Variants in SHISAL1 observed in about 807,000 individuals in gnomAD.
The protein encoded by SHISAL1 is shisa like 1.
Under a neutral mutation model 22.6 loss-of-function variants are expected in SHISAL1, and 9 were observed. The observed-to-expected ratio is 0.40, with a 90% CI of 0.24 to 0.70. SHISAL1 has a LOEUF of 0.70. Among genes scored for constraint, SHISAL1 ranks in the 30% least tolerant of loss-of-function variants. The pLI, the probability that SHISAL1 is intolerant of heterozygous loss-of-function variation, is 0.39. For synonymous variants in SHISAL1, 119 were observed against 115.4 expected, an observed-to-expected ratio of 1.03 and a Z score of -0.20; for missense variants, 246 against 270.6, an observed-to-expected ratio of 0.91 and a Z score of 0.64.
At chr22:44,312,019 G>T (rs560055301) in intron 1 of SHISAL1, among the ~76,000 whole-genome samples, 2 of 152,212 alleles carry the variant, frequency 1.3e-5, no homozygotes, top group African/African-American at 4.8e-5. Context: ...CATGGCGCTC[G>T]CCTCGGGGTG....
chr22:44,315,997 G>A (rs2055556165), upstream of SHISAL1, among the ~76,000 whole-genome samples: 1 of 152,190 alleles, frequency 6.6e-6, no homozygotes, highest in Non-Finnish European at 1.5e-5. Context: ...TCGATGTGGA[G>A]CAGGGCAATG....
intron 4 of SHISAL1, among the ~76,000 whole-genome samples, chr22:44,284,965 A>G (rs1464820309): frequency 7.5e-6 from 1 of 132,848 alleles, no homozygotes; most frequent in Non-Finnish European, 1.6e-5. Flanking sequence ...AGTCAGAACT[A>G]GTACCCCTCA....
chr22:44,303,095 G>A (rs779595158), intron 1 of SHISAL1, among the ~76,000 whole-genome samples: 21 of 152,186 alleles, frequency 1.4e-4, no homozygotes, highest in East Asian at 5.8e-4. Context: ...GTGTAACAGC[G>A]TCGTCCTCCC....
chr22:44,306,649 G>C (rs1469586761), intron 1 of SHISAL1, among the ~76,000 whole-genome samples: 1 of 130,536 alleles, frequency 7.7e-6, no homozygotes, highest in Non-Finnish European at 1.7e-5. Context: ...GTGTGGAGGG[G>C]ACCTGGGCTC....
At chr22:44,326,240 G>A in the SHISAL1 span, among the ~76,000 whole-genome samples, 1 of 152,166 alleles carries the variant, frequency 6.6e-6, no homozygotes, top group African/African-American at 2.4e-5. Flanking sequence ...GATTATGGAA[G>A]GAATTTGCCT....
At chr22:44,261,969 G>A (rs1343175805) in intron 4 of SHISAL1, among the ~76,000 whole-genome samples, 4 of 147,002 alleles carry the variant, frequency 2.7e-5, no homozygotes, top group Non-Finnish European at 6.0e-5. Context: ...TGGAACTATA[G>A]CACCTTCGGC....
the SHISAL1 span, among the ~76,000 whole-genome samples, chr22:44,331,650 A>T: frequency 6.9e-6 from 1 of 145,344 alleles, no homozygotes; most frequent in African/African-American, 2.5e-5. This position sits in a 1 kb window ranked among gnomAD's most constrained non-coding sequence, Gnocchi z 5.2. Flanking sequence ...GGACGCGGGG[A>T]CTCCGGGCTC....
intron 4 of SHISAL1, among the ~76,000 whole-genome samples, chr22:44,251,117 C>T (rs565876596): frequency 1.3e-5 from 2 of 152,318 alleles, no homozygotes; most frequent in Admixed American, 6.5e-5. Flanking sequence ...ACCTATTGTA[C>T]TTACTTGAAT....
chr22:44,285,491 A>G lies in SHISAL1; in HGVS notation c.536T>C (p.Val179Ala), dbSNP rs752033245. The G allele has an allele frequency of 3.7e-6, 6 of 1,613,912 alleles. No individual in the cohort carries two copies. The South Asian group carries it at 4.4e-5, about 12-fold the overall frequency. The change falls in exon 4 of 5, where the codon GTG (valine) becomes GCG (alanine). Residue 179 changes from valine (V) to alanine (A), a missense_variant. This residue lies in a region of SHISAL1 where 136 missense variants were observed against 117.5 expected (regional missense o/e 1.16). Coordinates refer to ENST00000381176, the MANE Select transcript of SHISAL1 (RefSeq NM_001099294.2). Reference protein sequence around the residue: ...PGPLPQAPQAVHTLRGDAHSP... With the variant: ...PGPLPQAPQAAHTLRGDAHSP... Reference sequence around the variant, plus strand: ...GTGAGCATCTCCCCGCAATGTGTGCACGGCCTGTGGGGCTTGTGGCAGCGG... The same window carrying G: ...GTGAGCATCTCCCCGCAATGTGTGCGCGGCCTGTGGGGCTTGTGGCAGCGG...
At chr22:44,292,832 C>G (rs2055361795) in intron 3 of SHISAL1, among the ~76,000 whole-genome samples, 1 of 152,196 alleles carries the variant, frequency 6.6e-6, no homozygotes, top group South Asian at 2.1e-4. Context: ...GGCCCCTGAC[C>G]CGAATTCTTG....
chr22:44,271,147 C>T (rs2055203270), intron 4 of SHISAL1, among the ~76,000 whole-genome samples: 1 of 152,176 alleles, frequency 6.6e-6, no homozygotes, highest in African/African-American at 2.4e-5. Flanking sequence ...AGCTCATTTA[C>T]TCCCTGTGCC....
At chr22:44,301,032 C>T (rs2055425167) in intron 1 of SHISAL1, 55 bp from the exon 2 acceptor site, 2 of 1,266,638 alleles carry the variant, frequency 1.6e-6, no homozygotes, top group East Asian at 4.9e-5. Context: ...CTGACACTGG[C>T]TTTCCTGCCC....
intron 1 of SHISAL1, among the ~76,000 whole-genome samples, chr22:44,311,919 A>G (rs1210396075): frequency 1.3e-5 from 2 of 152,240 alleles, no homozygotes; most frequent in Non-Finnish European, 2.9e-5. Context: ...TGGAAATCCC[A>G]GAGGCATTTT....
Position 44,296,808 on chromosome 22 carries a change from G to A in SHISAL1, c.145C>T (p.Arg49Trp), listed in dbSNP as rs1393628407. Residue 49 changes from arginine (R) to tryptophan (W), a missense_variant, in exon 3 of 5, where the codon CGG becomes TGG. By Grantham distance (101) the Arg-to-Trp change is moderately radical (BLOSUM62 -3). Around this residue, in one of 2 missense-constraint regions of SHISAL1, gnomAD observed 110 missense variants for 153.1 expected, o/e 0.72. Transcript: ENST00000381176. ...GRYHFGFHCPRLSDNKTFILC... is the reference protein window; with the variant it reads ...GRYHFGFHCPWLSDNKTFILC... ...ATGAAGGTCTTGTTGTCCGAGAGCC[G>A]GGGGCAGTGGAAGCCAAAGTGGTAG... The A allele has an allele frequency of 5.6e-6, 9 of 1,613,574 alleles. No homozygotes were observed. Among genetic ancestry groups the A allele is most frequent in the Non-Finnish European group, 7.6e-6 (9 of 1,179,848 alleles).
intron 4 of SHISAL1, among the ~76,000 whole-genome samples, chr22:44,252,887 CAA>C (rs560050650): frequency 2.6e-5 from 4 of 151,850 alleles, no homozygotes; most frequent in African/African-American, 9.7e-5. Context: ...CCCAGCTACT[CAA>C]GAGGCTGAGG....
At chr22:44,299,304 T>C (rs142247435) in intron 2 of SHISAL1, among the ~76,000 whole-genome samples, 27 of 152,344 alleles carry the variant, frequency 1.8e-4, no homozygotes, top group Middle Eastern at 3.4e-3. Context: ...CGCACCCCTG[T>C]GTGCACAGCT....
rs755890524 is a variant in SHISAL1, at chr22:44,285,762, A to G, written c.282-17T>C. 6.3e-7 allele frequency: 1 copy of G among 1,597,418 alleles called. No homozygotes were observed. The highest frequency in any genetic ancestry group is 8.6e-7 in the Non-Finnish European group (1 of 1,167,642). ...GTGTAATTGCTGCGAACAAACAGAG[A>G]GGGAGTGAGCAAGCAGAGGGGAGCA... On this transcript the variant is annotated splice_polypyrimidine_tract_variant and intron_variant, in intron 3 of 4. Coordinates refer to ENST00000381176, the MANE Select transcript of SHISAL1 (RefSeq NM_001099294.2).
In SHISAL1 at chr22:44,259,239, T is replaced by C. The variant is rs181404189; in HGVS notation, c.*-9554A>G. On this transcript the variant is annotated intron_variant, in intron 4 of 4. Transcript: ENST00000381176. ...CGGGCGGATCACGAGGTCAGGAGTT[T>C]GAGACCAGCTCAAACATGGTGAAAC... is the stretch of plus-strand genomic sequence containing the variant. 3.4e-3 allele frequency among the ~76,000 whole-genome samples: 511 copies of C among 152,084 alleles called. 1 individual carries two copies. Among genetic ancestry groups the C allele is most frequent in the African/African-American group, 0.011 (448 of 41,490 alleles).
intron 4 of SHISAL1, 151 bp downstream of exon 4, chr22:44,285,277 A>G: frequency 1.2e-6 from 1 of 807,484 alleles, no homozygotes; most frequent in Non-Finnish European, 2.0e-6. Flanking sequence ...GCTACCCATA[A>G]CAGTTTGAAA....
Sources: allele counts gnomAD v4.1 joint callset (sites outside exome capture counted in the v4.1 genomes callset), GRCh38; gene constraint gnomAD v4.1.1; regional missense constraint gnomAD v4.1.1; non-coding constraint Gnocchi (gnomAD v3.1); transcripts MANE v1.5; gene names NCBI Gene and HGNC (gene_info 2026-07-23, HGNC 2026-07-21).